Variants in PLD5 observed in about 807,000 individuals in gnomAD.
The protein encoded by PLD5 is inactive phospholipase D5.
In PLD5, 36 loss-of-function variants were observed where a neutral mutation model predicts 61.1. The ratio of observed to expected loss-of-function variants is 0.59; its 90% confidence interval spans 0.45 to 0.78. The LOEUF is 0.78. Ranked by LOEUF, PLD5 falls within the 30% of genes least tolerant of loss-of-function variation. The pLI is 0.00. For missense variants in PLD5, 515 were observed against 644.4 expected, an observed-to-expected ratio of 0.80 and a Z score of 2.17; for synonymous variants, 243 against 242.8, an observed-to-expected ratio of 1.00 and a Z score of -0.01.
chr1:242,123,518 C>G (rs1041187790), intron 6 of PLD5, among the ~76,000 whole-genome samples: 10 of 152,008 alleles, frequency 6.6e-5, no homozygotes, highest in Non-Finnish European at 1.3e-4. Flanking sequence ...ACCACTCACA[C>G]ACACATTCAC....
intron 2 of PLD5, among the ~76,000 whole-genome samples, chr1:242,308,171 G>T (rs1676485234): frequency 1.3e-5 from 2 of 151,754 alleles, no homozygotes; most frequent in African/African-American, 2.4e-5. Flanking sequence ...ATAAATTCAG[G>T]CTTCTGATTC....
intron 3 of PLD5, among the ~76,000 whole-genome samples, chr1:242,281,686 A>G (rs1674727188): frequency 6.6e-6 from 1 of 152,140 alleles, no homozygotes; most frequent in African/African-American, 2.4e-5. Context: ...GGTATTCTTA[A>G]GCTTGTAGAA....
chr1:242,283,033 C>T (rs1674804982), intron 3 of PLD5, among the ~76,000 whole-genome samples: 1 of 152,100 alleles, frequency 6.6e-6, no homozygotes, highest in Non-Finnish European at 1.5e-5. Context: ...ACAAGAAAAA[C>T]AAAGTGGGTT....
rs183478748 is a variant in PLD5, at chr1:242,394,749, C to T, written c.190-46507G>A. Among the ~76,000 whole-genome samples the T allele has an allele frequency of 6.1e-3, 191 of 31,236 alleles. 36 individuals carry two copies. The highest frequency in any genetic ancestry group is 0.023 in the African/African-American group (85 of 3,672). 20.5% of individuals were successfully genotyped at this position (31,236 alleles called of 152,430 possible). ...GAACATATATGTGTATATATGTGAA[C>T]ATATATGTGTATATATGTGAATATA... is the stretch of plus-strand genomic sequence containing the variant. On this transcript the variant is annotated intron_variant, in intron 1 of 9. Coordinates refer to ENST00000536534, the MANE Select transcript of PLD5 (RefSeq NM_001372062.1).
chr1:242,426,619 C>T lies in PLD5; in HGVS notation c.190-78377G>A, dbSNP rs115486008. 3.2e-3 allele frequency among the ~76,000 whole-genome samples: 487 copies of T among 152,346 alleles called. 2 individuals carry two copies. Among genetic ancestry groups the T allele is most frequent in the African/African-American group, 0.011 (466 of 41,576 alleles). On this transcript the variant is annotated intron_variant, in intron 1 of 9. Transcript: ENST00000536534. Reference sequence around the variant, plus strand: ...CTGATATCATACATGTGCTCTGTCACTGACCCAAACATTGTTATGTGGGGT... The same window carrying T: ...CTGATATCATACATGTGCTCTGTCATTGACCCAAACATTGTTATGTGGGGT...
upstream of PLD5, among the ~76,000 whole-genome samples, chr1:242,525,843 G>T (rs933645463): frequency 6.6e-6 from 1 of 152,142 alleles, no homozygotes; most frequent in Non-Finnish European, 1.5e-5. Flanking sequence ...TAAAAAAATG[G>T]TATAGTAAAA....
At chr1:242,159,169 G>T (rs994593794) in intron 5 of PLD5, among the ~76,000 whole-genome samples, 1 of 112,222 alleles carries the variant, frequency 8.9e-6, no homozygotes, top group South Asian at 2.6e-4. Flanking sequence ...ATAGACGAAC[G>T]CAAATTTTTT....
At chr1:242,225,873 A>G (rs534421660) in intron 4 of PLD5, among the ~76,000 whole-genome samples, 2 of 152,342 alleles carry the variant, frequency 1.3e-5, no homozygotes, top group East Asian at 1.9e-4. Context: ...TGTAGTTTTC[A>G]TTTCACTTGG....
intron 5 of PLD5, among the ~76,000 whole-genome samples, chr1:242,183,808 T>G (rs1410047304): frequency 6.6e-6 from 1 of 152,020 alleles, no homozygotes; most frequent in Middle Eastern, 3.2e-3. Context: ...GGCAGTAGAA[T>G]GGCGTGAACC....
chr1:242,150,819 A>T (rs1470122690), intron 5 of PLD5, among the ~76,000 whole-genome samples: 3 of 151,856 alleles, frequency 2.0e-5, no homozygotes, highest in Non-Finnish European at 2.9e-5. Flanking sequence ...GATTAGATTA[A>T]AATGTACTAT....
At chr1:242,289,264 C>A (rs1270463466) in intron 2 of PLD5, among the ~76,000 whole-genome samples, 1 of 152,002 alleles carries the variant, frequency 6.6e-6, no homozygotes, top group Non-Finnish European at 1.5e-5. Flanking sequence ...TTTTTCACTT[C>A]TGAATTAGGT....
At chr1:242,517,485 T>C (rs1448287536) in intron 1 of PLD5, among the ~76,000 whole-genome samples, 1 of 152,254 alleles carries the variant, frequency 6.6e-6, no homozygotes, top group African/African-American at 2.4e-5. Flanking sequence ...TAAAATATAG[T>C]AATTGATTTT....
At chr1:242,171,054 C>T (rs1666713429) in intron 5 of PLD5, among the ~76,000 whole-genome samples, 2 of 152,098 alleles carry the variant, frequency 1.3e-5, no homozygotes, top group Non-Finnish European at 2.9e-5. Context: ...CAAAGATACT[C>T]CTCGAGCAGA....
intron 8 of PLD5, among the ~76,000 whole-genome samples, chr1:242,106,137 G>A (rs984986): frequency 0.83 from 126,502 of 152,172 alleles, 52,649 homozygotes; most frequent in South Asian, 0.91. Context: ...GGGCCTCCAA[G>A]CCTTCCCTTT....
At chr1:242,369,321 T>C (rs1661507460) in intron 1 of PLD5, among the ~76,000 whole-genome samples, 3 of 152,000 alleles carry the variant, frequency 2.0e-5, no homozygotes, top group Admixed American at 2.0e-4. Flanking sequence ...ACATGGCAAT[T>C]TGGCAGTTTT....
intron 1 of PLD5, among the ~76,000 whole-genome samples, chr1:242,349,313 T>C (rs1195733715): frequency 6.6e-6 from 1 of 152,104 alleles, no homozygotes; most frequent in African/African-American, 2.4e-5. Flanking sequence ...ATTGTAAATG[T>C]TTCTTATCAG....
chr1:242,368,941 T>G (rs1052730862), intron 1 of PLD5, among the ~76,000 whole-genome samples: 1 of 152,194 alleles, frequency 6.6e-6, no homozygotes, highest in Non-Finnish European at 1.5e-5. Context: ...ATAATTTCTT[T>G]CTATCTCCTG....
At chr1:242,463,878 C>A (rs1226296381) in intron 1 of PLD5, among the ~76,000 whole-genome samples, 2 of 152,104 alleles carry the variant, frequency 1.3e-5, no homozygotes, top group Non-Finnish European at 2.9e-5. Context: ...GCCTTCCATT[C>A]TCCCCATATT....
At chr1:242,257,015 C>T (rs1213939111) in intron 4 of PLD5, among the ~76,000 whole-genome samples, 1 of 149,138 alleles carries the variant, frequency 6.7e-6, no homozygotes, top group African/African-American at 2.5e-5. Flanking sequence ...TATCTATCAT[C>T]TATCTATATC....
Sources: allele counts gnomAD v4.1 joint callset (sites outside exome capture counted in the v4.1 genomes callset), GRCh38; gene constraint gnomAD v4.1.1; transcripts MANE v1.5; gene names NCBI Gene and HGNC (gene_info 2026-07-23, HGNC 2026-07-21).